RNF13: variants seen among roughly 807,000 people sequenced by gnomAD.
RNF13 encodes the protein E3 ubiquitin-protein ligase RNF13.
RNF13 carries 19 observed loss-of-function variants against 37.7 expected under a neutral mutation model. That is an observed-to-expected ratio of 0.50 (90% CI 0.35 to 0.74). The LOEUF is 0.74. Among genes scored for constraint, RNF13 ranks in the 30% least tolerant of loss-of-function variants. The pLI, the probability that RNF13 is intolerant of heterozygous loss-of-function variation, is 0.01. For missense variants in RNF13, 375 were observed against 453.0 expected, an observed-to-expected ratio of 0.83 and a Z score of 1.56; for synonymous variants, 144 against 157.8, an observed-to-expected ratio of 0.91 and a Z score of 0.65.
chr3:149,934,474 A>G (rs1719482487), intron 8 of RNF13, among the ~76,000 whole-genome samples: 1 of 151,678 alleles, frequency 6.6e-6, no homozygotes, highest in African/African-American at 2.4e-5. Context: ...TTGATGGAGG[A>G]TTATTGCTAT....
chr3:149,831,939 A>G (rs769047746), intron 1 of RNF13, among the ~76,000 whole-genome samples: 3 of 152,188 alleles, frequency 2.0e-5, no homozygotes, highest in Non-Finnish European at 2.9e-5. Flanking sequence ...TGTTATAAAC[A>G]TATGTGACCA....
chr3:149,914,938 C>CAA (rs917486559), intron 7 of RNF13, among the ~76,000 whole-genome samples: 2 of 132,048 alleles, frequency 1.5e-5, no homozygotes, highest in African/African-American at 5.6e-5. Flanking sequence ...AACTCCATCT[C>CAA]AAAAAAAAAA....
At chr3:149,910,011 C>A (rs1297732886) in intron 6 of RNF13, among the ~76,000 whole-genome samples, 4 of 151,430 alleles carry the variant, frequency 2.6e-5, no homozygotes, top group Non-Finnish European at 4.4e-5. Flanking sequence ...TACTAAGTTA[C>A]AATGGGTTGA....
At chr3:149,910,533 C>A (rs1157427644) in intron 6 of RNF13, among the ~76,000 whole-genome samples, 1 of 152,006 alleles carries the variant, frequency 6.6e-6, no homozygotes, top group Non-Finnish European at 1.5e-5. Flanking sequence ...TAAAAATAGT[C>A]TCGGAAAAAA....
intron 4 of RNF13, among the ~76,000 whole-genome samples, chr3:149,876,578 C>A (rs141552474): frequency 6.6e-6 from 1 of 152,166 alleles, no homozygotes; most frequent in African/African-American, 2.4e-5. Context: ...CCTCCCACCT[C>A]GTAAGAATTT....
intron 6 of RNF13, among the ~76,000 whole-genome samples, chr3:149,905,195 T>A (rs1716265923): frequency 6.6e-6 from 1 of 152,194 alleles, no homozygotes; most frequent in African/African-American, 2.4e-5. Context: ...TCCGTAAGGG[T>A]CATGCCAACA....
intron 4 of RNF13, among the ~76,000 whole-genome samples, chr3:149,891,913 T>C (rs1576832151): frequency 6.6e-6 from 1 of 152,220 alleles, no homozygotes; most frequent in South Asian, 2.1e-4. Flanking sequence ...AAAATGTAAT[T>C]TAATTTGACT....
intron 1 of RNF13, among the ~76,000 whole-genome samples, chr3:149,840,363 T>A (rs1315250468): frequency 6.6e-6 from 1 of 152,182 alleles, no homozygotes; most frequent in Non-Finnish European, 1.5e-5. Context: ...GTGTGACTTT[T>A]TTTATTATAG....
chr3:149,910,038 A>G (rs1379628281), intron 6 of RNF13, among the ~76,000 whole-genome samples: 1 of 152,078 alleles, frequency 6.6e-6, no homozygotes, highest in Non-Finnish European at 1.5e-5. Context: ...GATATGCAAT[A>G]GTCTGGCTTC....
In RNF13 at chr3:149,960,036, T is replaced by A; in HGVS notation, c.701-20T>A. ...TTTGAAAGGTGAAAAAATAGTTCTC[T>A]ACATATTTTCTGTTTTCAGGAGATG... On this transcript the variant is annotated intron_variant, in intron 8 of 9. Coordinates refer to ENST00000392894, the MANE Select transcript of RNF13 (RefSeq NM_183381.3). 6.4e-7 allele frequency: 1 copy of A among 1,551,244 alleles called. No individual in the cohort carries two copies. Among genetic ancestry groups the A allele is most frequent in the East Asian group, 2.2e-5 (1 of 44,466 alleles).
At chr3:149,919,338 A>G (rs1278041507) in intron 7 of RNF13, among the ~76,000 whole-genome samples, 1 of 152,168 alleles carries the variant, frequency 6.6e-6, no homozygotes, top group Non-Finnish European at 1.5e-5. Context: ...TGAAATATTA[A>G]CCACCCTAAA....
chr3:149,913,176 C>T (rs1009560061), intron 7 of RNF13, among the ~76,000 whole-genome samples: 1 of 151,950 alleles, frequency 6.6e-6, no homozygotes, highest in Admixed American at 6.6e-5. Flanking sequence ...CTTATTTAGG[C>T]CTTTCCATCA....
At chr3:149,816,850 A>T (rs1197962988) in intron 1 of RNF13, among the ~76,000 whole-genome samples, 1 of 152,232 alleles carries the variant, frequency 6.6e-6, no homozygotes, top group Non-Finnish European at 1.5e-5. Context: ...TAATTATAGT[A>T]GTTGAGGCAA....
At chr3:149,955,690 G>C (rs767718708) in intron 8 of RNF13, among the ~76,000 whole-genome samples, 3 of 152,064 alleles carry the variant, frequency 2.0e-5, no homozygotes, top group Non-Finnish European at 4.4e-5. Flanking sequence ...ATCATCCCTA[G>C]GCAGATTATT....
chr3:149,880,895 AC>A (rs1713314092), intron 4 of RNF13, among the ~76,000 whole-genome samples: 1 of 152,128 alleles, frequency 6.6e-6, no homozygotes, highest in Non-Finnish European at 1.5e-5. Flanking sequence ...TGAGTTTCAA[AC>A]TTTTTTGACT....
intron 5 of RNF13, among the ~76,000 whole-genome samples, chr3:149,899,728 G>A (rs1449532350): frequency 6.6e-6 from 1 of 152,168 alleles, no homozygotes; most frequent in East Asian, 1.9e-4. Flanking sequence ...TTGGTATAGG[G>A]AGTAAGGGAA....
At chr3:149,834,400 G>A (rs377441399) in intron 1 of RNF13, among the ~76,000 whole-genome samples, 128 of 152,246 alleles carry the variant, frequency 8.4e-4, no homozygotes, top group African/African-American at 2.9e-3. Context: ...GACATATAGA[G>A]CAATGGAATA....
chr3:149,836,691 A>G (rs917455797), intron 1 of RNF13, among the ~76,000 whole-genome samples: 17 of 152,138 alleles, frequency 1.1e-4, no homozygotes, highest in African/African-American at 4.1e-4. Flanking sequence ...TGCCACAAAT[A>G]ATTTAAAGCA....
At chr3:149,823,429 ATT>A (rs1032672695) in intron 1 of RNF13, among the ~76,000 whole-genome samples, 3 of 152,196 alleles carry the variant, frequency 2.0e-5, no homozygotes, top group Non-Finnish European at 4.4e-5. Flanking sequence ...ATGCACATTT[ATT>A]TGGAAATATA....
Sources: allele counts gnomAD v4.1 joint callset (sites outside exome capture counted in the v4.1 genomes callset), GRCh38; gene constraint gnomAD v4.1.1; transcripts MANE v1.5; gene names NCBI Gene and HGNC (gene_info 2026-07-23, HGNC 2026-07-21).